The following EFCAB13 variants were observed in gnomAD, a reference collection of about 807,000 sequenced individuals.
EFCAB13 encodes EF-hand calcium-binding domain-containing protein 13.
Under a neutral mutation model 110.2 loss-of-function variants are expected in EFCAB13, and 91 were observed. That is an observed-to-expected ratio of 0.83 (90% CI 0.70 to 0.98). The LOEUF (loss-of-function observed/expected upper bound fraction) is 0.98, where lower values mean the gene tolerates loss of function less well. EFCAB13 is among the 50% of genes least tolerant of loss of function. The pLI is 0.00. For missense variants in EFCAB13, 968 were observed against 1,119.4 expected (o/e 0.86, Z 1.93); for synonymous variants, 323 against 369.9 (o/e 0.87, Z 1.45).
rs368296585 is a variant in EFCAB13 at position 47,374,551 on chromosome 17, T to G, written c.957T>G (p.Tyr319Ter). 1.3e-6 allele frequency: 2 copies of G among 1,587,200 alleles called. No individual in the cohort carries two copies. Among genetic ancestry groups the G allele is most frequent in the South Asian group, 1.2e-5 (1 of 84,842 alleles). The change falls in exon 12 of 25, where the codon TAT becomes TAG. Residue 319 changes from tyrosine (Y) to a stop codon, truncating the protein, a stop_gained. Transcript: ENST00000331493. LOFTEE classifies it high-confidence loss of function. ...GTGTAGCAGGATGCTATCTAAAATATAAGAAGAAAAATAGTTTGTCTTCCA... is the reference window on the plus strand; with the variant it reads ...GTGTAGCAGGATGCTATCTAAAATAGAAGAAGAAAAATAGTTTGTCTTCCA... ...LSSVAGCYLK[Y>*]KKKNSLSSKL...
At chr17:47,370,722 G>T (rs111239361) in intron 11 of EFCAB13, among the ~76,000 whole-genome samples, 5,534 of 143,414 alleles carry the variant, frequency 0.039, 252 homozygotes, top group East Asian at 0.24. Flanking sequence ...CCAGTTTTTT[G>T]TTGTTGTTGT....
At chr17:47,416,872 A>C (rs1336449739) in intron 23 of EFCAB13, among the ~76,000 whole-genome samples, 1 of 152,210 alleles carries the variant, frequency 6.6e-6, no homozygotes, top group East Asian at 1.9e-4. Flanking sequence ...TTGCTTAATG[A>C]AAACGAAAGA....
intron 24 of EFCAB13, among the ~76,000 whole-genome samples, chr17:47,434,319 A>G (rs1421897228): frequency 6.6e-6 from 1 of 152,098 alleles, no homozygotes; most frequent in African/African-American, 2.4e-5. Flanking sequence ...AGCTACAAAA[A>G]AAAAATAAAT....
chr17:47,433,129 C>CTA (rs1905150625), intron 24 of EFCAB13, among the ~76,000 whole-genome samples: 1 of 152,066 alleles, frequency 6.6e-6, no homozygotes. Flanking sequence ...GTCTTTCCTT[C>CTA]TATTTAGTGA....
intron 17 of EFCAB13, 64 bp from the exon 18 acceptor site, chr17:47,402,068 T>C (rs2065781821): frequency 7.9e-7 from 1 of 1,270,694 alleles, no homozygotes; most frequent in Non-Finnish European, 1.2e-6. Flanking sequence ...TTTTTATAGG[T>C]TGCTTTATTG....
At chr17:47,347,338 G>A (rs1363330863) in intron 8 of EFCAB13, among the ~76,000 whole-genome samples, 3 of 152,090 alleles carry the variant, frequency 2.0e-5, no homozygotes, top group African/African-American at 4.8e-5. Flanking sequence ...ATAAAGTGTA[G>A]TATCCACTGA....
intron 12 of EFCAB13, 68 bp from the exon 13 acceptor site, chr17:47,377,698 T>C (rs534737946): frequency 1.2e-5 from 16 of 1,350,290 alleles, no homozygotes; most frequent in Non-Finnish European, 1.6e-5. Context: ...TTCTAAAGAT[T>C]TTGAGTATTA....
chr17:47,395,988 CA>C lies in EFCAB13; in HGVS notation c.1945+14del, dbSNP rs768070221. ...TAGTGACAGTTGATGGTGAGTGTTACAAATACTAAAATTAAAAAGTATACCA... is the reference window on the plus strand; with the variant it reads ...TAGTGACAGTTGATGGTGAGTGTTACAATACTAAAATTAAAAAGTATACCA... On this transcript the variant is annotated intron_variant, in intron 17 of 24. Transcript: ENST00000331493. 6.3e-6 allele frequency: 10 copies of C among 1,580,274 alleles called. No individual in the cohort carries two copies. In the East Asian group the frequency reaches 2.2e-4, roughly 35 times the overall value.
At chr17:47,428,330 T>G (rs1173113364) in intron 23 of EFCAB13, among the ~76,000 whole-genome samples, 1 of 152,060 alleles carries the variant, frequency 6.6e-6, no homozygotes, top group Admixed American at 6.6e-5. Flanking sequence ...TACTCTTTAT[T>G]TTACTGAAGC....
chr17:47,342,467 A>C (rs994076809), intron 6 of EFCAB13, among the ~76,000 whole-genome samples: 2 of 152,036 alleles, frequency 1.3e-5, no homozygotes, highest in Admixed American at 6.6e-5. Flanking sequence ...TGTATATTTC[A>C]TTTCAAGATC....
At chr17:47,380,161 A>G (rs1053958266) in intron 14 of EFCAB13, among the ~76,000 whole-genome samples, 2 of 152,170 alleles carry the variant, frequency 1.3e-5, no homozygotes, top group African/African-American at 2.4e-5. Flanking sequence ...TACACATGCT[A>G]TGGTGGTTTG....
chr17:47,374,003 G>T (rs1031267411), intron 11 of EFCAB13, among the ~76,000 whole-genome samples: 14 of 152,078 alleles, frequency 9.2e-5, no homozygotes, highest in Non-Finnish European at 1.8e-4. Context: ...TTCTAAAGAT[G>T]TTGTTTTATA....
intron 2 of EFCAB13, among the ~76,000 whole-genome samples, chr17:47,325,343 G>C (rs1048249891): frequency 6.6e-6 from 1 of 152,020 alleles, no homozygotes; most frequent in African/African-American, 2.4e-5. Flanking sequence ...CACTCTTGAA[G>C]TACTTTCTTC....
chr17:47,337,596 C>G (rs1231759846), intron 5 of EFCAB13, among the ~76,000 whole-genome samples: 1 of 152,086 alleles, frequency 6.6e-6, no homozygotes, highest in East Asian at 1.9e-4. Context: ...AAAAAATACA[C>G]TTTTGTTTAC....
chr17:47,418,252 T>C (rs1904518558), intron 23 of EFCAB13, among the ~76,000 whole-genome samples: 2 of 152,230 alleles, frequency 1.3e-5, no homozygotes, highest in Admixed American at 1.3e-4. Context: ...ACATTAGAGC[T>C]AGCTTACCCT....
chr17:47,361,648 C>T, intron 10 of EFCAB13, 127 bp downstream of exon 10: 1 of 717,326 alleles, frequency 1.4e-6, no homozygotes, highest in Non-Finnish European at 2.1e-6. Context: ...TTACCTTTTG[C>T]CATTGACACT....
intron 2 of EFCAB13, 91 bp downstream of exon 2, chr17:47,324,614 T>A (rs978705170): frequency 6.6e-6 from 1 of 152,048 alleles, no homozygotes; most frequent in Non-Finnish European, 1.5e-5. Flanking sequence ...AATGGAGTTG[T>A]GTATGCAGTT....
chr17:47,425,991 GA>G (rs1215176487), intron 23 of EFCAB13, among the ~76,000 whole-genome samples: 1 of 152,204 alleles, frequency 6.6e-6, no homozygotes, highest in African/African-American at 2.4e-5. Context: ...CAAACTGCAT[GA>G]CCTTTATCAT....
chr17:47,374,774 C>T lies in EFCAB13; in HGVS notation c.1180C>T (p.His394Tyr). The change falls in exon 12 of 25, where the codon CAT becomes TAT. Residue 394 changes from histidine to tyrosine, a missense_variant. Coordinates refer to ENST00000331493, the MANE Select transcript of EFCAB13 (RefSeq NM_152347.5). ...AAAGAATGGCATAAACTTTAAAAAA[C>T]ATTCAGAGAAGGGTGAAATTCATGA... The part of the protein sequence containing the change: ...YSKNGINFKK[H>Y]SEKGEIHDSK... The T allele has an allele frequency of 6.2e-7, 1 of 1,613,994 alleles. No homozygotes were observed. Among genetic ancestry groups the T allele is most frequent in the South Asian group, 1.1e-5 (1 of 91,084 alleles).
Sources: allele counts gnomAD v4.1 joint callset (sites outside exome capture counted in the v4.1 genomes callset), GRCh38; gene constraint gnomAD v4.1.1; transcripts MANE v1.5; gene names NCBI Gene and HGNC (gene_info 2026-07-23, HGNC 2026-07-21).